The following NFASC variants were observed in gnomAD, a reference collection of about 807,000 sequenced individuals.
NFASC encodes neurofascin homolog.
In NFASC, 43 loss-of-function variants were observed where a neutral mutation model predicts 147.5. The observed-to-expected ratio is 0.29, with a 90% CI of 0.23 to 0.38. The LOEUF (loss-of-function observed/expected upper bound fraction) is 0.38, where lower values mean the gene tolerates loss of function less well. NFASC is among the 10% of genes least tolerant of loss of function. The probability of loss-of-function intolerance (pLI) is 1.00; values close to 1 mark genes in which losing one functional copy is unlikely to be tolerated. For synonymous variants in NFASC, 622 were observed against 665.5 expected (o/e 0.93, Z 1.01); for missense variants, 1,320 against 1,689.0 (o/e 0.78, Z 3.83).
intron 1 of NFASC, among the ~76,000 whole-genome samples, chr1:204,897,798 T>C (rs563230859): frequency 6.6e-6 from 1 of 152,016 alleles, no homozygotes; most frequent in African/African-American, 2.4e-5. Flanking sequence ...TGCAGTGATA[T>C]GGTCTCACCT....
At chr1:204,864,363 C>G (rs909715259) in intron 1 of NFASC, among the ~76,000 whole-genome samples, 2 of 152,140 alleles carry the variant, frequency 1.3e-5, no homozygotes, top group Non-Finnish European at 2.9e-5. Flanking sequence ...GTTTTCAGTT[C>G]TTTTGGGTAT....
chr1:204,961,860 C>T (rs1039259533), intron 8 of NFASC, among the ~76,000 whole-genome samples: 1 of 152,190 alleles, frequency 6.6e-6, no homozygotes, highest in Admixed American at 6.5e-5. Flanking sequence ...TTTAAAAAAA[C>T]CATTACTGTA....
intron 3 of NFASC, 136 bp from the exon 4 acceptor site, chr1:204,950,421 C>A: frequency 1.3e-6 from 1 of 781,110 alleles, no homozygotes; most frequent in African/African-American, 1.7e-5. Flanking sequence ...GAGGAGAGAG[C>A]CCTGTGCTCA....
rs749112702 is a variant in NFASC at position 204,973,348 on chromosome 1, G to T, written c.1208G>T (p.Arg403Met). Residue 403 changes from arginine to methionine, a missense_variant, in exon 12 of 30, where the codon AGG (arginine) becomes ATG (methionine). By Grantham distance (91) the Arg-to-Met change is moderately conservative. This residue lies in a region of NFASC where 981 missense variants were observed against 1,289.5 expected (regional missense o/e 0.76). Coordinates refer to ENST00000339876, the MANE Select transcript of NFASC (RefSeq NM_001005388.3). ...IIFRDTQISS[R>M]AVYQCNTSNE... ...TTCCGGGACACCCAGATCAGCAGCA[G>T]GGCTGTGTACCAGTGCAACACCTCC... 4 of 1,614,136 alleles carry T rather than the reference G, an allele frequency of 2.5e-6. No individual in the cohort carries two copies.
chr1:205,013,185 T>C (rs1454846204), intron 29 of NFASC, among the ~76,000 whole-genome samples: 1 of 152,256 alleles, frequency 6.6e-6, no homozygotes. Context: ...TTGCTATGTA[T>C]GTCTTTCCAC....
intron 1 of NFASC, among the ~76,000 whole-genome samples, chr1:204,839,195 G>A (rs1258361246): frequency 6.6e-6 from 1 of 152,160 alleles, no homozygotes; most frequent in Non-Finnish European, 1.5e-5. Context: ...CTCTTTGTTA[G>A]CATGGAGCAG....
Position 205,016,829 on chromosome 1 carries a change from C to T in NFASC, c.*290C>T, listed in dbSNP as rs529764686. 98 of 496,296 alleles carry T rather than the reference C, an allele frequency of 2.0e-4. No homozygotes were observed. In the East Asian group the frequency reaches 3.6e-3, roughly 18 times the overall value. The allele number at this position is 496,296 out of a possible 1,614,324, so 30.7% of individuals were successfully genotyped here. ...CGGTCTCGCAGCCACCCCGAGCGTT[C>T]CACCACACTGTCCGCCCTTGGCCTC... is the stretch of plus-strand genomic sequence containing the variant. On this transcript the variant is annotated 3_prime_UTR_variant, in exon 30 of 30. Transcript: ENST00000339876. The surrounding 1 kb of genome is among the most constrained non-coding windows in gnomAD (Gnocchi z 5.1).
At chr1:204,989,021 C>G (rs2095667882) in intron 23 of NFASC, 1 of 587,754 alleles carries the variant, frequency 1.7e-6, no homozygotes, top group Non-Finnish European at 3.0e-6. Context: ...TGTGGTCACA[C>G]CTGGGTCCCC....
chr1:204,872,386 A>G (rs2077887202), intron 1 of NFASC, among the ~76,000 whole-genome samples: 1 of 152,038 alleles, frequency 6.6e-6, no homozygotes. Context: ...TCTCCCTCCC[A>G]CGGTCTGAAG....
chr1:204,979,465 G>A lies in NFASC; in HGVS notation c.2082G>A (p.Pro694=), dbSNP rs764323507. Residue 694 remains proline (P), a synonymous_variant, in exon 19 of 30, where the codon CCG becomes CCA. Transcript: ENST00000339876. The surrounding 1 kb of genome is among the most constrained non-coding windows in gnomAD (Gnocchi z 6.0). The stretch of plus-strand genomic sequence containing the variant: ...ACTCAGCCGTCCTCCGGCTGTCCCC[G>A]TATGTCAACTACCAGTTCCGTGTCA... ...SVNSAVLRLS[P]YVNYQFRVIA... 54 of 1,613,838 alleles carry A rather than the reference G, an allele frequency of 3.3e-5. 1 individual carries two copies. In the Middle Eastern group the frequency reaches 6.6e-4, roughly 20 times the overall value.
intron 25 of NFASC, 40 bp from the exon 26 acceptor site, chr1:205,001,130 C>A (rs1449968067): frequency 8.3e-7 from 1 of 1,208,074 alleles, no homozygotes; most frequent in Non-Finnish European, 1.2e-6. Flanking sequence ...TGGTGCCACT[C>A]CCTCCTCATC....
intron 3 of NFASC, chr1:204,946,809 T>A (rs894925580): frequency 8.1e-5 from 41 of 507,382 alleles, no homozygotes; most frequent in African/African-American, 8.0e-4. Context: ...CCAGCCTTCT[T>A]TTTCGGCAGA....
At chr1:205,014,861 T>C (rs187152502) in intron 29 of NFASC, among the ~76,000 whole-genome samples, 6 of 152,292 alleles carry the variant, frequency 3.9e-5, no homozygotes, top group African/African-American at 7.2e-5. Flanking sequence ...TGCATGCGAA[T>C]AAGACCTGCA....
intron 2 of NFASC, among the ~76,000 whole-genome samples, chr1:204,931,998 A>C (rs1466691718): frequency 6.6e-6 from 1 of 152,138 alleles, no homozygotes; most frequent in African/African-American, 2.4e-5. Flanking sequence ...AGTGAAGTGA[A>C]GCGGGAGAGG....
In NFASC at chr1:205,021,652, A is replaced by G. The variant is rs1052110129; in HGVS notation, c.*5113A>G. The G allele has an allele frequency of 5.2e-5, 8 of 153,622 alleles. No homozygotes were observed. Among genetic ancestry groups the G allele is most frequent in the African/African-American group, 1.7e-4 (7 of 41,568 alleles). 9.5% of individuals were successfully genotyped at this position (153,622 alleles called of 1,614,324 possible). On this transcript the variant is annotated 3_prime_UTR_variant, in exon 30 of 30. Transcript: ENST00000339876. ...CTCCTTGTCCAGTCAGTGTTCTTTC[A>G]TCTCACCACAGCTGCCTCCTTTGAA...
At chr1:204,913,927 C>T (rs1238812471) in intron 1 of NFASC, among the ~76,000 whole-genome samples, 1 of 150,640 alleles carries the variant, frequency 6.6e-6, no homozygotes, top group Non-Finnish European at 1.5e-5. Context: ...GAAATTAAAC[C>T]ACAGAAATGT....
chr1:204,938,346 C>T (rs1008772562), intron 2 of NFASC, among the ~76,000 whole-genome samples: 3 of 152,186 alleles, frequency 2.0e-5, no homozygotes, highest in Non-Finnish European at 4.4e-5. Context: ...TGAGCTCAAA[C>T]CCACTCAGGG....
intron 11 of NFASC, among the ~76,000 whole-genome samples, chr1:204,972,078 G>A (rs561432062): frequency 2.0e-5 from 3 of 152,318 alleles, no homozygotes; most frequent in African/African-American, 7.2e-5. Flanking sequence ...TTTTCACTGA[G>A]TGGGGACCCG....
chr1:205,006,913 G>A (rs1285226791), intron 27 of NFASC, among the ~76,000 whole-genome samples: 1 of 152,018 alleles, frequency 6.6e-6, no homozygotes, highest in East Asian at 1.9e-4. Context: ...GTGGCTGGAG[G>A]GATGATGGGG....
Sources: allele counts gnomAD v4.1 joint callset (sites outside exome capture counted in the v4.1 genomes callset), GRCh38; gene constraint gnomAD v4.1.1; regional missense constraint gnomAD v4.1.1; non-coding constraint Gnocchi (gnomAD v3.1); transcripts MANE v1.5; gene names NCBI Gene and HGNC (gene_info 2026-07-23, HGNC 2026-07-21).